BTBD9: variants seen among roughly 807,000 people sequenced by gnomAD.
The protein encoded by BTBD9 is BTB/POZ domain-containing protein 9.
BTBD9 carries 49 observed loss-of-function variants against 64.3 expected under a neutral mutation model. That is an observed-to-expected ratio of 0.76 (90% CI 0.61 to 0.97). BTBD9 has a LOEUF of 0.97. BTBD9 is among the 50% of genes least tolerant of loss of function. The probability of loss-of-function intolerance (pLI) is 0.00; values close to 1 mark genes in which losing one functional copy is unlikely to be tolerated. For missense variants in BTBD9, 598 were observed against 762.1 expected (o/e 0.78, Z 2.53); for synonymous variants, 260 against 274.7 (o/e 0.95, Z 0.53).
At chr6:38,309,374 TAAACAAAC>T (rs942166170) in intron 7 of BTBD9, among the ~76,000 whole-genome samples, 4 of 150,396 alleles carry the variant, frequency 2.7e-5, no homozygotes, top group Admixed American at 6.6e-5. Flanking sequence ...ATCTCCCAAA[TAAACAAAC>T]AAACAAACAA....
At chr6:38,543,510 A>G (rs956623378) in intron 6 of BTBD9, among the ~76,000 whole-genome samples, 3 of 152,156 alleles carry the variant, frequency 2.0e-5, no homozygotes, top group African/African-American at 7.2e-5. Flanking sequence ...ACAATTTTCA[A>G]TGGGCTCGGT....
intron 9 of BTBD9, among the ~76,000 whole-genome samples, chr6:38,228,033 T>C (rs922867677): frequency 1.3e-5 from 2 of 152,190 alleles, no homozygotes; most frequent in African/African-American, 4.8e-5. Context: ...GATGTCATTA[T>C]ACATTTGTCC....
chr6:38,417,802 A>AGAGAGAGAGAGAGAGAGAGAGAG (rs55963730), intron 6 of BTBD9, among the ~76,000 whole-genome samples: 3 of 102,430 alleles, frequency 2.9e-5, no homozygotes, highest in African/African-American at 1.4e-4. Context: ...GAGAGAGAGA[A>AGAGAGAGAGAGAGAGAGAGAGAG]AAAAAATATT....
intron 6 of BTBD9, among the ~76,000 whole-genome samples, chr6:38,512,628 T>C (rs1772825211): frequency 6.6e-6 from 1 of 152,194 alleles, no homozygotes; most frequent in East Asian, 1.9e-4. Context: ...TTGCCCACCC[T>C]TTCAGACACA....
At chr6:38,557,110 G>A (rs1321048729) in intron 6 of BTBD9, among the ~76,000 whole-genome samples, 6 of 148,048 alleles carry the variant, frequency 4.1e-5, no homozygotes, top group African/African-American at 1.5e-4. Context: ...CACTTTGGGA[G>A]GCCACGGTGG....
chr6:38,348,275 G>A (rs997834304), intron 6 of BTBD9, among the ~76,000 whole-genome samples: 2 of 152,158 alleles, frequency 1.3e-5, no homozygotes, highest in East Asian at 1.9e-4. Context: ...ACACCAAAAC[G>A]GGAGAAGTAG....
At chr6:38,513,606 T>G (rs1479532320) in intron 6 of BTBD9, among the ~76,000 whole-genome samples, 1 of 152,138 alleles carries the variant, frequency 6.6e-6, no homozygotes, top group East Asian at 1.9e-4. Context: ...AAGCAATGAT[T>G]CTGCTTTGGA....
rs953135639 is a variant in BTBD9, at chr6:38,184,415, C to T, written c.1641+8104G>A. On this transcript the variant is annotated intron_variant, in intron 10 of 10. Coordinates refer to ENST00000481247, the MANE Select transcript of BTBD9 (RefSeq NM_001099272.2). The surrounding 1 kb of genome is among the most constrained non-coding windows in gnomAD (Gnocchi z 4.4). ...CAAGCAGGTTTTCTTTGTGGGCATC[C>T]ATTTCCAGTTGCTGGAACATGAAGC... Among the ~76,000 whole-genome samples, 1 of 152,210 alleles carries T rather than the reference C, an allele frequency of 6.6e-6. No homozygotes were observed. Among genetic ancestry groups the T allele is most frequent in the Non-Finnish European group, 1.5e-5 (1 of 68,018 alleles).
At chr6:38,582,720 T>C (rs1280482320) in intron 4 of BTBD9, among the ~76,000 whole-genome samples, 1 of 152,202 alleles carries the variant, frequency 6.6e-6, no homozygotes, top group Non-Finnish European at 1.5e-5. Flanking sequence ...ATTCAGGCTC[T>C]ATCATTCACC....
chr6:38,408,140 T>G (rs1767251496), intron 6 of BTBD9, among the ~76,000 whole-genome samples: 1 of 152,130 alleles, frequency 6.6e-6, no homozygotes, highest in Admixed American at 6.6e-5. Flanking sequence ...GAGGATCACA[T>G]GAGGCCAGGA....
intron 8 of BTBD9, among the ~76,000 whole-genome samples, chr6:38,277,836 A>C (rs953270759): frequency 6.6e-6 from 1 of 152,212 alleles, no homozygotes; most frequent in East Asian, 1.9e-4. Flanking sequence ...AAAAATAAAC[A>C]GAACACATGA....
At chr6:38,579,931 T>C (rs1026937705) in intron 5 of BTBD9, among the ~76,000 whole-genome samples, 1 of 152,234 alleles carries the variant, frequency 6.6e-6, no homozygotes, top group African/African-American at 2.4e-5. Flanking sequence ...TGAAGATTAA[T>C]AATGGGTAAT....
At chr6:38,544,412 A>AGT (rs1248709845) in intron 6 of BTBD9, among the ~76,000 whole-genome samples, 2 of 151,694 alleles carry the variant, frequency 1.3e-5, no homozygotes, top group African/African-American at 4.8e-5. Context: ...TGTGTCAGTG[A>AGT]GTGTGTGTGT....
At chr6:38,372,880 A>G (rs561736713) in intron 6 of BTBD9, among the ~76,000 whole-genome samples, 33 of 152,304 alleles carry the variant, frequency 2.2e-4, no homozygotes, top group African/African-American at 7.5e-4. Flanking sequence ...CAAATTCTAT[A>G]CAAACTCTTG....
intron 6 of BTBD9, among the ~76,000 whole-genome samples, chr6:38,395,706 G>GTT (rs112512335): frequency 4.8e-5 from 7 of 144,890 alleles, no homozygotes; most frequent in Admixed American, 2.1e-4. Context: ...AATGTTTACT[G>GTT]TTTTTTTTTT....
intron 6 of BTBD9, among the ~76,000 whole-genome samples, chr6:38,565,201 C>A (rs1411814447): frequency 8.5e-5 from 13 of 152,188 alleles, no homozygotes; most frequent in Non-Finnish European, 1.5e-4. Context: ...TTCAACCCCC[C>A]TTCACTAATC....
intron 4 of BTBD9, among the ~76,000 whole-genome samples, chr6:38,582,192 C>T (rs1233121924): frequency 4.6e-5 from 7 of 152,128 alleles, no homozygotes; most frequent in Non-Finnish European, 1.0e-4. Context: ...ATAAACAAAA[C>T]ATCCTAGTTA....
At chr6:38,408,166 G>A (rs371633581) in intron 6 of BTBD9, among the ~76,000 whole-genome samples, 104 of 152,132 alleles carry the variant, frequency 6.8e-4, no homozygotes, top group African/African-American at 1.7e-3. Context: ...AGACCAGCCT[G>A]GGCAACACAG....
chr6:38,427,567 G>C (rs927469795), intron 6 of BTBD9, among the ~76,000 whole-genome samples: 1 of 151,964 alleles, frequency 6.6e-6, no homozygotes, highest in African/African-American at 2.4e-5. Flanking sequence ...CCTGCAGCTA[G>C]AAATGCTGGA....
Sources: gnomAD v4.1 joint callset for allele counts (sites outside exome capture counted in the v4.1 genomes callset) on GRCh38, gnomAD v4.1.1 for gene constraint, Gnocchi (gnomAD v3.1) non-coding constraint, MANE v1.5 for transcripts, NCBI Gene and HGNC (gene_info 2026-07-23, HGNC 2026-07-21) for gene names.